Variants in RALGAPA2 observed in about 807,000 individuals in gnomAD.
RALGAPA2 encodes the protein Ral GTPase activating protein catalytic subunit alpha 2, also known as ral GTPase-activating protein subunit alpha-2.
A neutral mutation model predicts 230.4 loss-of-function variants in RALGAPA2; 139 were observed. The observed-to-expected ratio is 0.60, with a 90% CI of 0.53 to 0.69. The LOEUF (loss-of-function observed/expected upper bound fraction) is 0.69, where lower values mean the gene tolerates loss of function less well. Among genes scored for constraint, RALGAPA2 ranks in the 30% least tolerant of loss-of-function variants. The probability of loss-of-function intolerance (pLI) is 0.00; values close to 1 mark genes in which losing one functional copy is unlikely to be tolerated. For missense variants in RALGAPA2, 2,163 were observed against 2,276.0 expected (o/e 0.95, Z 1.01); for synonymous variants, 847 against 837.8 (o/e 1.01, Z -0.19).
chr20:20,653,608 GA>G (rs1323643495), intron 3 of RALGAPA2, 21 bp from the exon 4 acceptor site: 10 of 1,342,108 alleles, frequency 7.5e-6, no homozygotes, highest in Non-Finnish European at 1.0e-5. Flanking sequence ...AAGATATAAA[GA>G]AAATAAACAA....
At chr20:20,609,735 G>T (rs1282453949) in intron 14 of RALGAPA2, among the ~76,000 whole-genome samples, 2 of 152,238 alleles carry the variant, frequency 1.3e-5, no homozygotes, top group South Asian at 2.1e-4. Context: ...GCTCGAAAGG[G>T]TGCCAACAGT....
At chr20:20,637,949 A>ATG (rs984842589) in intron 7 of RALGAPA2, among the ~76,000 whole-genome samples, 4 of 152,258 alleles carry the variant, frequency 2.6e-5, no homozygotes, top group African/African-American at 9.6e-5. Flanking sequence ...TGTTACCTAC[A>ATG]TGTAAAACCA....
intron 37 of RALGAPA2, among the ~76,000 whole-genome samples, chr20:20,432,336 G>C (rs1306339080): frequency 6.6e-6 from 1 of 152,208 alleles, no homozygotes; most frequent in Non-Finnish European, 1.5e-5. Context: ...CAAACCAGGT[G>C]ATTACCATGG....
At chr20:20,408,503 C>T (rs1261173226) in intron 38 of RALGAPA2, among the ~76,000 whole-genome samples, 1 of 152,176 alleles carries the variant, frequency 6.6e-6, no homozygotes, top group Non-Finnish European at 1.5e-5. Flanking sequence ...CTATTTATAT[C>T]TTTTCTGATA....
chr20:20,586,186 A>G (rs563815579), intron 18 of RALGAPA2, among the ~76,000 whole-genome samples: 1 of 152,284 alleles, frequency 6.6e-6, no homozygotes, highest in East Asian at 1.9e-4. Flanking sequence ...TTTAGTTGCA[A>G]TTTGGGGCTC....
intron 36 of RALGAPA2, among the ~76,000 whole-genome samples, chr20:20,474,140 G>A (rs1157348370): frequency 6.6e-6 from 1 of 152,188 alleles, no homozygotes; most frequent in Non-Finnish European, 1.5e-5. Context: ...TGGGCTTTAA[G>A]AAGAGGATGA....
At chr20:20,516,738 A>G (rs574480643) in intron 31 of RALGAPA2, among the ~76,000 whole-genome samples, 1 of 152,296 alleles carries the variant, frequency 6.6e-6, no homozygotes, top group East Asian at 1.9e-4. Context: ...CCCAGCAGCA[A>G]CCTGGAGTGT....
intron 16 of RALGAPA2, among the ~76,000 whole-genome samples, chr20:20,599,066 A>G (rs1244319789): frequency 1.3e-5 from 2 of 152,172 alleles, no homozygotes; most frequent in African/African-American, 4.8e-5. Flanking sequence ...GAAATGCTTT[A>G]TATGTTTAGC....
chr20:20,419,409 T>G (rs977624183), intron 37 of RALGAPA2, among the ~76,000 whole-genome samples: 26 of 152,136 alleles, frequency 1.7e-4, no homozygotes, highest in Admixed American at 1.4e-3. Flanking sequence ...GGTGTTAGAG[T>G]TGACGATGAT....
chr20:20,444,088 C>T lies in RALGAPA2; in HGVS notation c.5495+28741G>A, dbSNP rs540914893. On this transcript the variant is annotated intron_variant, in intron 37 of 39. Transcript: ENST00000202677. ...GCTGGGCATCAGTCAATATTGGAAC[C>T]CCCATGTGATTATATGTGCAGCCAG... 2.0e-5 allele frequency among the ~76,000 whole-genome samples: 3 copies of T among 152,276 alleles called. No homozygotes were observed. The East Asian group carries it at 5.8e-4, about 29-fold the overall frequency.
chr20:20,485,596 T>C (rs1569437199), intron 36 of RALGAPA2, among the ~76,000 whole-genome samples: 1 of 152,250 alleles, frequency 6.6e-6, no homozygotes, highest in Non-Finnish European at 1.5e-5. Flanking sequence ...CATATTATAA[T>C]TCTTTTAAAA....
intron 36 of RALGAPA2, among the ~76,000 whole-genome samples, chr20:20,483,681 C>T (rs2061836374): frequency 6.6e-6 from 1 of 152,192 alleles, no homozygotes; most frequent in African/African-American, 2.4e-5. Context: ...ATCCTGTGTA[C>T]AGACTTAGGA....
chr20:20,537,797 C>G (rs1212611996), intron 24 of RALGAPA2, among the ~76,000 whole-genome samples: 1 of 152,170 alleles, frequency 6.6e-6, no homozygotes, highest in Non-Finnish European at 1.5e-5. Context: ...TTAAGGAGTT[C>G]TCACTCTGTG....
chr20:20,680,608 A>G, intron 2 of RALGAPA2, 83 bp downstream of exon 2: 1 of 1,422,414 alleles, frequency 7.0e-7, no homozygotes. Context: ...AAAGCTTAAA[A>G]ATGTATAATT....
At chr20:20,648,860 G>GA (rs2067302627) in intron 4 of RALGAPA2, among the ~76,000 whole-genome samples, 1 of 152,114 alleles carries the variant, frequency 6.6e-6, no homozygotes, top group Admixed American at 6.5e-5. Context: ...TGGGAGAAAA[G>GA]AAAGACCATG....
intron 38 of RALGAPA2, among the ~76,000 whole-genome samples, chr20:20,401,379 CCTG>C (rs2059833295): frequency 1.3e-5 from 2 of 152,144 alleles, no homozygotes; most frequent in Admixed American, 6.5e-5. Flanking sequence ...CAGCACCTCT[CCTG>C]CTGTGCCACC....
chr20:20,664,189 A>C (rs1016548213), intron 3 of RALGAPA2, among the ~76,000 whole-genome samples: 1 of 152,204 alleles, frequency 6.6e-6, no homozygotes, highest in Non-Finnish European at 1.5e-5. Flanking sequence ...AAACCTCAGA[A>C]GGTGAAACTG....
chr20:20,396,975 C>G (rs80239288), intron 38 of RALGAPA2, among the ~76,000 whole-genome samples: 1 of 152,176 alleles, frequency 6.6e-6, no homozygotes, highest in South Asian at 2.1e-4. Context: ...CCAGGATCTA[C>G]GCATGCAGAC....
At chr20:20,492,269 A>G (rs569373140) in intron 36 of RALGAPA2, among the ~76,000 whole-genome samples, 1 of 152,180 alleles carries the variant, frequency 6.6e-6, no homozygotes, top group Non-Finnish European at 1.5e-5. Context: ...CCCAGAGAAC[A>G]GTAAAATAAA....
Sources: gnomAD v4.1 joint callset for allele counts (sites outside exome capture counted in the v4.1 genomes callset) on GRCh38, gnomAD v4.1.1 for gene constraint, MANE v1.5 for transcripts, NCBI Gene and HGNC (gene_info 2026-07-23, HGNC 2026-07-21) for gene names.